ARHGEF17: variants seen among roughly 807,000 people sequenced by gnomAD.
ARHGEF17 encodes 164 kDa Rho-specific guanine-nucleotide exchange factor.
Under a neutral mutation model 174.0 loss-of-function variants are expected in ARHGEF17, and 80 were observed. That is an observed-to-expected ratio of 0.46 (90% confidence interval 0.38 to 0.55). ARHGEF17 has a LOEUF of 0.55. Among genes scored for constraint, ARHGEF17 ranks in the 20% least tolerant of loss-of-function variants. The probability of loss-of-function intolerance (pLI) is 0.00; values close to 1 mark genes in which losing one functional copy is unlikely to be tolerated. For missense variants in ARHGEF17, 2,886 were observed against 2,839.7 expected (o/e 1.02, Z -0.37); for synonymous variants, 1,311 against 1,189.1 (o/e 1.10, Z -2.11).
chr11:73,357,153 G>T lies in ARHGEF17; in HGVS notation c.4001+19G>T. 2 of 1,613,664 alleles carry T rather than the reference G, an allele frequency of 1.2e-6. No homozygotes were observed. The highest frequency in any genetic ancestry group is 1.7e-6 in the Non-Finnish European group (2 of 1,179,754). ...TGAGCCTGTGAGTGGCTGGGCCGGG[G>T]TTTGGGTGGTGCCAACAGGGGGAGC... On this transcript the variant is annotated intron_variant, in intron 8 of 20. Coordinates refer to ENST00000263674, the MANE Select transcript of ARHGEF17 (RefSeq NM_014786.4).
chr11:73,363,084 G>A, intron 14 of ARHGEF17, 122 bp from the exon 15 acceptor site: 4 of 1,344,156 alleles, frequency 3.0e-6, no homozygotes, highest in Non-Finnish European at 4.0e-6. Flanking sequence ...AGCAGGCCGG[G>A]GAAGAACAGC....
chr11:73,358,204 G>T (rs1447099098), intron 9 of ARHGEF17, among the ~76,000 whole-genome samples: 1 of 152,130 alleles, frequency 6.6e-6, no homozygotes, highest in Non-Finnish European at 1.5e-5. Flanking sequence ...CATCTCTTCA[G>T]GCTGTTTTAA....
At chr11:73,361,566 T>G (rs1865738378) in intron 12 of ARHGEF17, among the ~76,000 whole-genome samples, 1 of 152,150 alleles carries the variant, frequency 6.6e-6, no homozygotes, top group Non-Finnish European at 1.5e-5. Context: ...ATTTGATGTG[T>G]AGAGGGTCAC....
chr11:73,366,631 G>T (rs1865844261), intron 20 of ARHGEF17, among the ~76,000 whole-genome samples: 1 of 152,146 alleles, frequency 6.6e-6, no homozygotes, highest in African/African-American at 2.4e-5. Flanking sequence ...TCAGGAGGCT[G>T]AGCTGAGGTG....
In ARHGEF17 at chr11:73,310,758, G is replaced by A. The variant is rs772693765; in HGVS notation, c.2120G>A (p.Arg707His). The A allele has an allele frequency of 6.2e-7, 1 of 1,611,180 alleles. No homozygotes were observed. The highest frequency in any genetic ancestry group is 8.5e-7 in the Non-Finnish European group (1 of 1,178,564). Residue 707 changes from arginine to histidine, a missense_variant, in exon 1 of 21, where the codon CGC (arginine) becomes CAC (histidine). By Grantham distance (29) the Arg-to-His change is conservative (BLOSUM62 0). Around this residue, in one of 4 missense-constraint regions of ARHGEF17, gnomAD observed 1,728 missense variants for 1,461.2 expected, o/e 1.18. Coordinates refer to ENST00000263674, the MANE Select transcript of ARHGEF17 (RefSeq NM_014786.4). ...ACCCCTCCCACACCAGGTGCCCTCC[G>A]CCGACGACGCAAAGTCCCACCTTCA... ...PETPPTPGAL[R>H]RRRKVPPSGS...
intron 5 of ARHGEF17, 30 bp downstream of exon 5, chr11:73,355,983 C>T: frequency 1.2e-6 from 2 of 1,612,956 alleles, no homozygotes; most frequent in South Asian, 2.2e-5. Context: ...GGCAAGTGGG[C>T]AAGGCCTGGA....
chr11:73,348,742 A>G (rs183823870), intron 2 of ARHGEF17, among the ~76,000 whole-genome samples: 2 of 152,330 alleles, frequency 1.3e-5, no homozygotes, highest in Non-Finnish European at 2.9e-5. Context: ...ATTGAACTGT[A>G]CATTTAAAAT....
chr11:73,310,942 G>A lies in ARHGEF17; in HGVS notation c.2304G>A (p.Gly768=). Residue 768 remains glycine (G), a synonymous_variant, in exon 1 of 21, where the codon GGG becomes GGA. Transcript: ENST00000263674. ...TGGGCTCACTGAGCCCCAAGACAGGGCTCCCTGCCACCTCAGCCATGGATG... is the reference window on the plus strand; with the variant it reads ...TGGGCTCACTGAGCCCCAAGACAGGACTCCCTGCCACCTCAGCCATGGATG... The part of the protein sequence containing the change: ...NLLGSLSPKT[G]LPATSAMDEG... The A allele has an allele frequency of 6.2e-7, 1 of 1,614,132 alleles. No individual in the cohort carries two copies. The highest frequency in any genetic ancestry group is 2.2e-5 in the East Asian group (1 of 44,880).
At chr11:73,337,592 G>A (rs1379061668) in intron 1 of ARHGEF17, among the ~76,000 whole-genome samples, 1 of 152,010 alleles carries the variant, frequency 6.6e-6, no homozygotes, top group Non-Finnish European at 1.5e-5. Context: ...GCTATTTTTA[G>A]TATTTTTTGT....
chr11:73,322,658 T>C (rs1270183336), intron 1 of ARHGEF17, among the ~76,000 whole-genome samples: 1 of 152,142 alleles, frequency 6.6e-6, no homozygotes, highest in Non-Finnish European at 1.5e-5. Context: ...GGTCTCAGTT[T>C]GACCAGAGCA....
chr11:73,365,674 C>G lies in ARHGEF17; in HGVS notation c.5726-4C>G. On this transcript the variant is annotated splice_polypyrimidine_tract_variant and splice_region_variant and intron_variant, in intron 19 of 20. Coordinates refer to ENST00000263674, the MANE Select transcript of ARHGEF17 (RefSeq NM_014786.4). The surrounding 1 kb of genome is among the most constrained non-coding windows in gnomAD (Gnocchi z 4.9). ...CCCCAGCTGTGGTCTGTCTCCCACC[C>G]CAGGCTCGGATGCCATCATCCGGCA... 6.2e-7 allele frequency: 1 copy of G among 1,611,512 alleles called. No individual in the cohort carries two copies. The highest frequency in any genetic ancestry group is 8.5e-7 in the Non-Finnish European group (1 of 1,178,278).
chr11:73,336,187 A>C (rs892230334), intron 1 of ARHGEF17, among the ~76,000 whole-genome samples: 1 of 152,206 alleles, frequency 6.6e-6, no homozygotes, highest in Non-Finnish European at 1.5e-5. Flanking sequence ...GCTTTGCCAC[A>C]TCCTGACTTC....
At chr11:73,355,813 T>C (rs1297572761) in intron 4 of ARHGEF17, 48 bp from the exon 5 acceptor site, 1 of 1,610,018 alleles carries the variant, frequency 6.2e-7, no homozygotes, top group Non-Finnish European at 8.5e-7. Flanking sequence ...CTGGACATAG[T>C]CTTCCTGGCA....
chr11:73,363,065 G>C, intron 14 of ARHGEF17, 141 bp from the exon 15 acceptor site: 1 of 1,208,350 alleles, frequency 8.3e-7, no homozygotes, highest in Non-Finnish European at 1.1e-6. Flanking sequence ...CAGCAGGGCA[G>C]CAGACCGGAG....
At chr11:73,355,975 C>G (rs1303210034) in intron 5 of ARHGEF17, 22 bp downstream of exon 5, 1 of 1,613,600 alleles carries the variant, frequency 6.2e-7, no homozygotes, top group East Asian at 2.2e-5. Context: ...CCTGGGTGGG[C>G]AAGTGGGCAA....
chr11:73,314,867 C>A (rs972352887), intron 1 of ARHGEF17, among the ~76,000 whole-genome samples: 4 of 152,126 alleles, frequency 2.6e-5, no homozygotes, highest in African/African-American at 9.7e-5. Context: ...GTCCCACCTT[C>A]TGCCCTCAGG....
chr11:73,334,386 G>A (rs545638357), intron 1 of ARHGEF17, among the ~76,000 whole-genome samples: 1 of 152,310 alleles, frequency 6.6e-6, no homozygotes, highest in South Asian at 2.1e-4. Flanking sequence ...GGAGAGGTGG[G>A]GAGGAGACTG....
intron 3 of ARHGEF17, among the ~76,000 whole-genome samples, chr11:73,354,685 C>T (rs1865607918): frequency 2.7e-5 from 4 of 149,902 alleles, no homozygotes; most frequent in African/African-American, 9.9e-5. Context: ...TTGCACACTC[C>T]AGCCTAGGTG....
intron 1 of ARHGEF17, among the ~76,000 whole-genome samples, chr11:73,336,718 C>CTGATCCTCCTCCCTGA (rs910322728): frequency 6.6e-6 from 1 of 152,246 alleles, no homozygotes; most frequent in Admixed American, 6.5e-5. Flanking sequence ...GTGACCATGG[C>CTGATCCTCCTCCCTGA]TCCTCCACCT....
Sources: allele counts gnomAD v4.1 joint callset (sites outside exome capture counted in the v4.1 genomes callset), GRCh38; gene constraint gnomAD v4.1.1; regional missense constraint gnomAD v4.1.1; non-coding constraint Gnocchi (gnomAD v3.1); transcripts MANE v1.5; gene names NCBI Gene and HGNC (gene_info 2026-07-23, HGNC 2026-07-21).